ZNF708: variants seen among roughly 807,000 people sequenced by gnomAD.
The protein encoded by ZNF708 is ZNF15, ZNF15L1.
ZNF708 carries 44 observed loss-of-function variants against 47.0 expected under a neutral mutation model. The ratio of observed to expected loss-of-function variants is 0.94; its 90% CI spans 0.74 to 1.20. ZNF708 has a LOEUF of 1.20. ZNF708 is among the 50% of genes most tolerant of loss of function. The pLI, the probability that ZNF708 is intolerant of heterozygous loss-of-function variation, is 0.00. For synonymous variants in ZNF708, 184 were observed against 218.5 expected (o/e 0.84, Z 1.39); for missense variants, 557 against 656.0 (o/e 0.85, Z 1.65).
chr19:21,308,841 T>TA (rs951326835), intron 3 of ZNF708, among the ~76,000 whole-genome samples: 7 of 151,196 alleles, frequency 4.6e-5, no homozygotes, highest in Admixed American at 6.6e-5. Flanking sequence ...TGCAGAAAAA[T>TA]AAAAAAAACA....
intron 3 of ZNF708, among the ~76,000 whole-genome samples, chr19:21,305,741 G>A (rs1338351070): frequency 6.6e-6 from 1 of 152,088 alleles, no homozygotes; most frequent in Non-Finnish European, 1.5e-5. Context: ...GATTACAAGC[G>A]TGAGCCACCG....
chr19:21,321,950 T>C (rs1973154889), intron 1 of ZNF708, among the ~76,000 whole-genome samples: 1 of 152,000 alleles, frequency 6.6e-6, no homozygotes, highest in Admixed American at 6.6e-5. Flanking sequence ...GGTTTGTGCC[T>C]GGGTGGGGCT....
chr19:21,311,728 A>G (rs577696476), intron 1 of ZNF708, among the ~76,000 whole-genome samples: 1 of 152,268 alleles, frequency 6.6e-6, no homozygotes, highest in African/African-American at 2.4e-5. Context: ...TTAATAACAG[A>G]AGAGATGCGG....
chr19:21,302,337 AAC>A (rs141402686), intron 3 of ZNF708, among the ~76,000 whole-genome samples: 2,400 of 152,284 alleles, frequency 0.016, 72 homozygotes, highest in African/African-American at 0.051. Flanking sequence ...CAATATCAAT[AAC>A]TACTGAAAAA....
rs1972403169 is a variant in ZNF708, at chr19:21,291,926, T to C, written c.*1348A>G. On this transcript the variant is annotated 3_prime_UTR_variant, in exon 4 of 4. Coordinates refer to ENST00000356929, the MANE Select transcript of ZNF708 (RefSeq NM_021269.3). ...TGTAATTACAAACTTCCAAAAAATC[T>C]TCTACTCCTTTTAAAGTTATGTACA... 6.6e-6 allele frequency: 1 copy of C among 152,156 alleles called. No homozygotes were observed. Among genetic ancestry groups the C allele is most frequent in the African/African-American group, 2.4e-5 (1 of 41,444 alleles). The allele number at this position is 152,156 out of a possible 1,614,324, so 9.4% of individuals were successfully genotyped here.
At chr19:21,295,348 A>C (rs937073455) in intron 3 of ZNF708, among the ~76,000 whole-genome samples, 2 of 152,214 alleles carry the variant, frequency 1.3e-5, no homozygotes, top group African/African-American at 4.8e-5. Flanking sequence ...AAAGCCCACA[A>C]AATTTCAGAC....
intron 1 of ZNF708, among the ~76,000 whole-genome samples, chr19:21,323,044 A>C (rs1177872259): frequency 6.6e-6 from 1 of 152,260 alleles, no homozygotes; most frequent in South Asian, 2.1e-4. Flanking sequence ...TTTATTATAA[A>C]AGATACAACC....
At position 21,294,758 on chromosome 19, in the gene ZNF708, AC is replaced by A. The variant is rs749187601; in HGVS notation, c.227-20del. The A allele has an allele frequency of 1.3e-6, 2 of 1,544,646 alleles. No individual in the cohort carries two copies. Among genetic ancestry groups the A allele is most frequent in the Admixed American group, 4.2e-5 (2 of 47,412 alleles). On this transcript the variant is annotated intron_variant, in intron 3 of 3. Coordinates refer to ENST00000356929, the MANE Select transcript of ZNF708 (RefSeq NM_021269.3). ...CACATAGCTGAAAGAAATAAAAATA[AC>A]AAATTATTCCATTTACTCAACTCAG...
chr19:21,303,963 T>C (rs1224950212), intron 3 of ZNF708, among the ~76,000 whole-genome samples: 2 of 151,966 alleles, frequency 1.3e-5, no homozygotes, highest in Admixed American at 1.3e-4. Context: ...CTTAGCAACA[T>C]AATAACTGTA....
chr19:21,313,967 G>C (rs1303291405), intron 1 of ZNF708, among the ~76,000 whole-genome samples: 1 of 152,132 alleles, frequency 6.6e-6, no homozygotes, highest in African/African-American at 2.4e-5. Context: ...AAAAAATTAA[G>C]AAATTAAGAC....
intron 3 of ZNF708, among the ~76,000 whole-genome samples, chr19:21,307,503 T>C (rs1238109266): frequency 6.6e-6 from 1 of 151,960 alleles, no homozygotes; most frequent in Non-Finnish European, 1.5e-5. Context: ...AAGCCTGTAA[T>C]CCCAGCTACT....
chr19:21,310,690 C>A, intron 1 of ZNF708, 63 bp from the exon 2 acceptor site: 2 of 1,337,636 alleles, frequency 1.5e-6, no homozygotes, highest in South Asian at 2.0e-5. Flanking sequence ...TTTAATTTGA[C>A]TCAAGGTGAA....
At chr19:21,298,050 G>A (rs1972576871) in intron 3 of ZNF708, among the ~76,000 whole-genome samples, 2 of 151,066 alleles carry the variant, frequency 1.3e-5, no homozygotes, top group Admixed American at 6.6e-5. Flanking sequence ...AAATATTGAC[G>A]GAATTGAAGA....
At chr19:21,313,757 CAAA>C (rs71176848) in intron 1 of ZNF708, among the ~76,000 whole-genome samples, 7 of 109,790 alleles carry the variant, frequency 6.4e-5, no homozygotes, top group South Asian at 3.0e-4. Flanking sequence ...GACTATGTCT[CAAA>C]AAAAAAAAAA....
In ZNF708 at chr19:21,293,371, T is replaced by C; in HGVS notation, c.1595A>G (p.Tyr532Cys). 1.9e-6 allele frequency: 3 copies of C among 1,613,770 alleles called. No homozygotes were observed. Among genetic ancestry groups the C allele is most frequent in the East Asian group, 2.2e-5 (1 of 44,814 alleles). The change falls in exon 4 of 4, where the codon TAC (tyrosine) becomes TGC (cysteine). Residue 532 changes from tyrosine (Y) to cysteine (C), a missense_variant. Tyr to Cys is a radical substitution (Grantham distance 194). Transcript: ENST00000356929. ...GGCTTTGCCACATTCTTCACATTTG[T>C]AGGGTTTCTCTCCAGTATGAATTAT... ...HKIIHTGEKP[Y>C]KCEECGKAFN...
At chr19:21,304,644 T>C (rs1294805048) in intron 3 of ZNF708, among the ~76,000 whole-genome samples, 1 of 152,152 alleles carries the variant, frequency 6.6e-6, no homozygotes, top group Admixed American at 6.6e-5. Flanking sequence ...TCTCAACACT[T>C]TGGGAAAATC....
intron 3 of ZNF708, among the ~76,000 whole-genome samples, chr19:21,299,319 C>CT (rs1418563675): frequency 6.6e-6 from 1 of 152,106 alleles, no homozygotes; most frequent in Non-Finnish European, 1.5e-5. Flanking sequence ...CACCACTGCA[C>CT]TCCAGCCTGG....
rs912828164 is a variant in ZNF708 at position 21,299,419 on chromosome 19, C to T, written c.227-4680G>A. On this transcript the variant is annotated intron_variant, in intron 3 of 3. Coordinates refer to ENST00000356929, the MANE Select transcript of ZNF708 (RefSeq NM_021269.3). ...AAACATTTTAGCATATGTTGCATACCAATATAAATATAATTAATATGAATA... is the reference window on the plus strand; with the variant it reads ...AAACATTTTAGCATATGTTGCATACTAATATAAATATAATTAATATGAATA... Among the ~76,000 whole-genome samples the T allele has an allele frequency of 8.6e-5, 13 of 151,968 alleles. No individual in the cohort carries two copies. In the East Asian group the frequency reaches 2.3e-3, roughly 27 times the overall value.
rs967446361 is a variant in ZNF708 at position 21,292,007 on chromosome 19, T to G, written c.*1267A>C. ...ATTTTTAACAGTCAGCACTTTGATA[T>G]AGTGTAATGTCTGAAGCATCCATAC... is the stretch of plus-strand genomic sequence containing the variant. On this transcript the variant is annotated 3_prime_UTR_variant, in exon 4 of 4. Coordinates refer to ENST00000356929, the MANE Select transcript of ZNF708 (RefSeq NM_021269.3). 1 of 152,142 alleles carries G rather than the reference T, an allele frequency of 6.6e-6. No individual in the cohort carries two copies. Among genetic ancestry groups the G allele is most frequent in the Non-Finnish European group, 1.5e-5 (1 of 68,046 alleles). 9.4% of individuals were successfully genotyped at this position (152,142 alleles called of 1,614,324 possible). A position where few individuals can be genotyped will look rare whatever the true frequency, so the allele number is the denominator to read the frequency against.
Sources: gnomAD v4.1 joint callset for allele counts (sites outside exome capture counted in the v4.1 genomes callset) on GRCh38, gnomAD v4.1.1 for gene constraint, MANE v1.5 for transcripts, NCBI Gene and HGNC (gene_info 2026-07-23, HGNC 2026-07-21) for gene names.